Variants in STYX observed in about 807,000 individuals in gnomAD.
The protein encoded by STYX is serine/threonine/tyrosine interacting protein, also known as serine/threonine/tyrosine-interacting protein.
In STYX, 20 loss-of-function variants were observed where a neutral mutation model predicts 42.7. The observed-to-expected ratio is 0.47, with a 90% CI of 0.33 to 0.68. The LOEUF is 0.68. Among genes scored for constraint, STYX ranks in the 30% least tolerant of loss-of-function variants. The probability of loss-of-function intolerance (pLI) is 0.02; values close to 1 mark genes in which losing one functional copy is unlikely to be tolerated. For missense variants in STYX, 226 were observed against 268.5 expected (o/e 0.84, Z 1.11); for synonymous variants, 78 against 81.9 (o/e 0.95, Z 0.26).
rs1461924482 is a variant in STYX at position 52,772,738 on chromosome 14, T to G, written c.*1632T>G. The G allele has an allele frequency of 6.6e-6, 1 of 152,582 alleles. No individual in the cohort carries two copies. Among genetic ancestry groups the G allele is most frequent in the Non-Finnish European group, 1.5e-5 (1 of 68,024 alleles). The allele number at this position is 152,582 out of a possible 1,614,324, so 9.5% of individuals were successfully genotyped here. ...CCCAGCATAGTGGGAGAGTGGAGAT[T>G]AATTAAAATTGTTAATTAAGAGTTA... On this transcript the variant is annotated 3_prime_UTR_variant, in exon 11 of 11. Coordinates refer to ENST00000354586, the MANE Select transcript of STYX (RefSeq NM_145251.4).
chr14:52,762,844 G>A (rs548395989), intron 9 of STYX, among the ~76,000 whole-genome samples: 12 of 137,992 alleles, frequency 8.7e-5, no homozygotes, highest in Non-Finnish European at 1.1e-4. Flanking sequence ...TTGGTGTATC[G>A]GTTTGATTTT....
intron 1 of STYX, among the ~76,000 whole-genome samples, chr14:52,731,367 A>G (rs926921580): frequency 2.1e-5 from 3 of 145,202 alleles, no homozygotes; most frequent in African/African-American, 7.7e-5. Flanking sequence ...ATAAAGCCCT[A>G]TTTTTAGGAG....
intron 1 of STYX, among the ~76,000 whole-genome samples, chr14:52,732,857 G>A (rs1467420582): frequency 6.6e-6 from 1 of 151,890 alleles, no homozygotes; most frequent in Non-Finnish European, 1.5e-5. Flanking sequence ...TTTTAGTAGA[G>A]ACGGGGTTTC....
intron 5 of STYX, among the ~76,000 whole-genome samples, chr14:52,757,010 T>G (rs1474472302): frequency 6.6e-6 from 1 of 152,186 alleles, no homozygotes; most frequent in African/African-American, 2.4e-5. Context: ...TTGTAAAGCT[T>G]GCTACTTTTA....
At chr14:52,754,204 A>G (rs1178943653) in intron 4 of STYX, among the ~76,000 whole-genome samples, 1 of 151,528 alleles carries the variant, frequency 6.6e-6, no homozygotes, top group Non-Finnish European at 1.5e-5. Flanking sequence ...TTTTATAATT[A>G]TGAAAGAAAT....
intron 1 of STYX, among the ~76,000 whole-genome samples, chr14:52,739,060 T>G (rs1345134512): frequency 1.3e-5 from 2 of 152,188 alleles, no homozygotes; most frequent in African/African-American, 4.8e-5. Context: ...TTTAGTTTAT[T>G]TCATAGACTG....
At chr14:52,759,278 C>G (rs1470537452) in intron 8 of STYX, among the ~76,000 whole-genome samples, 1 of 152,088 alleles carries the variant, frequency 6.6e-6, no homozygotes, top group Non-Finnish European at 1.5e-5. Context: ...CATCACTGTG[C>G]CTGGCTAATT....
intron 2 of STYX, among the ~76,000 whole-genome samples, chr14:52,746,188 G>C (rs1188115473): frequency 6.6e-6 from 1 of 151,998 alleles, no homozygotes; most frequent in Admixed American, 6.6e-5. Flanking sequence ...CAGCCGTTTG[G>C]GAGGCTGAGG....
intron 1 of STYX, among the ~76,000 whole-genome samples, chr14:52,735,992 A>G (rs940309011): frequency 6.6e-6 from 1 of 152,204 alleles, no homozygotes; most frequent in Non-Finnish European, 1.5e-5. Flanking sequence ...AGGGTCCTGT[A>G]TGGTCTGACA....
At chr14:52,755,849 C>T (rs996099252) in intron 4 of STYX, among the ~76,000 whole-genome samples, 4 of 151,924 alleles carry the variant, frequency 2.6e-5, no homozygotes, top group Non-Finnish European at 5.9e-5. Flanking sequence ...AGTCACAGGA[C>T]CACTTAGAGA....
intron 1 of STYX, among the ~76,000 whole-genome samples, chr14:52,736,598 C>G (rs575505039): frequency 1.7e-4 from 26 of 152,150 alleles, no homozygotes; most frequent in Non-Finnish European, 3.4e-4. Flanking sequence ...TCCCGTAGTA[C>G]AGGATCAAAG....
In STYX at chr14:52,730,182, C is replaced by G; in HGVS notation, c.-293C>G. ...CGGGGAGACGGTTGTCGGGCTGGTTCCTGTGCTGGATCCTGGGCGGCCTGA... is the reference window on the plus strand; with the variant it reads ...CGGGGAGACGGTTGTCGGGCTGGTTGCTGTGCTGGATCCTGGGCGGCCTGA... On this transcript the variant is annotated 5_prime_UTR_variant, in exon 1 of 11. Coordinates refer to ENST00000354586, the MANE Select transcript of STYX (RefSeq NM_145251.4). 2 of 465,388 alleles carry G rather than the reference C, an allele frequency of 4.3e-6. No homozygotes were observed. The highest frequency in any genetic ancestry group is 7.7e-6 in the Non-Finnish European group (2 of 261,324). 28.8% of individuals were successfully genotyped at this position (465,388 alleles called of 1,614,324 possible).
chr14:52,731,661 T>A (rs1453320448), intron 1 of STYX: 2 of 152,062 alleles, frequency 1.3e-5, no homozygotes, highest in Admixed American at 6.6e-5. Context: ...GGTCTCGATC[T>A]CCTGACCTTG....
chr14:52,768,121 A>G (rs1882380481), intron 9 of STYX, among the ~76,000 whole-genome samples: 1 of 152,108 alleles, frequency 6.6e-6, no homozygotes, highest in Non-Finnish European at 1.5e-5. Flanking sequence ...GCGAGCTATG[A>G]ACTGTACCTA....
At chr14:52,738,566 T>C (rs1054128897) in intron 1 of STYX, among the ~76,000 whole-genome samples, 5 of 152,238 alleles carry the variant, frequency 3.3e-5, no homozygotes, top group Admixed American at 1.3e-4. Flanking sequence ...ATAAAATTGA[T>C]ACTTCAGTGG....
chr14:52,752,994 C>G (rs1881691563), intron 4 of STYX, among the ~76,000 whole-genome samples: 1 of 147,410 alleles, frequency 6.8e-6, no homozygotes, highest in African/African-American at 2.5e-5. Context: ...GATTCTCCTG[C>G]CTCAGCCTCC....
At position 52,772,519 on chromosome 14, in the gene STYX, G is replaced by C. The variant is rs956183841; in HGVS notation, c.*1413G>C. ...GTGTTTTTAACTTTTTATAGTTGAT[G>C]ACTTTAGGGTAGCACAAACAAAACT... On this transcript the variant is annotated 3_prime_UTR_variant, in exon 11 of 11. Transcript: ENST00000354586. 6.6e-5 allele frequency: 10 copies of C among 152,550 alleles called. No individual in the cohort carries two copies. The highest frequency in any genetic ancestry group is 2.4e-4 in the African/African-American group (10 of 41,426). The allele number at this position is 152,550 out of a possible 1,614,324, so 9.4% of individuals were successfully genotyped here.
At chr14:52,765,240 A>G (rs1320968574) in intron 9 of STYX, among the ~76,000 whole-genome samples, 1 of 152,056 alleles carries the variant, frequency 6.6e-6, no homozygotes, top group African/African-American at 2.4e-5. Context: ...TTGGAGATGG[A>G]GTCTCACTCT....
intron 1 of STYX, among the ~76,000 whole-genome samples, chr14:52,734,035 C>T (rs924155535): frequency 6.6e-6 from 1 of 152,146 alleles, no homozygotes; most frequent in Non-Finnish European, 1.5e-5. Context: ...TTGCCAGACC[C>T]ACCCCCACAT....
Sources: gnomAD v4.1 joint callset for allele counts (sites outside exome capture counted in the v4.1 genomes callset) on GRCh38, gnomAD v4.1.1 for gene constraint, MANE v1.5 for transcripts, NCBI Gene and HGNC (gene_info 2026-07-23, HGNC 2026-07-21) for gene names.